Variants in DTNA observed in about 807,000 individuals in gnomAD.
DTNA encodes dystrophin-related protein 3.
DTNA carries 43 observed loss-of-function variants against 100.7 expected under a neutral mutation model. The observed-to-expected ratio is 0.43, with a 90% CI of 0.33 to 0.55. The LOEUF (loss-of-function observed/expected upper bound fraction) is 0.55. DTNA is among the 20% of genes least tolerant of loss of function. DTNA has a pLI of 0.04. For synonymous variants in DTNA, 349 were observed against 347.9 expected (o/e 1.00, Z -0.04); for missense variants, 798 against 953.9 (o/e 0.84, Z 2.15).
rs2096956599 is a variant in DTNA, at chr18:34,890,113, C to T, written c.*2379C>T. 12 of 1,403,124 alleles carry T rather than the reference C, an allele frequency of 8.6e-6. No homozygotes were observed. The highest frequency in any genetic ancestry group is 1.1e-5 in the Non-Finnish European group (12 of 1,083,600). The allele number at this position is 1,403,124 out of a possible 1,614,324, so 86.9% of individuals were successfully genotyped here. A position where few individuals can be genotyped will look rare whatever the true frequency, so the allele number is the denominator to read the frequency against. On this transcript the variant is annotated 3_prime_UTR_variant, in exon 23 of 23. Transcript: ENST00000444659. ...CATATGTTGTTTCTTTGTGTTTCTACATCAAAATGTTCGTCTAAGATTTGA... is the reference window on the plus strand; with the variant it reads ...CATATGTTGTTTCTTTGTGTTTCTATATCAAAATGTTCGTCTAAGATTTGA...
chr18:34,694,494 T>G (rs1568238789), intron 1 of DTNA, among the ~76,000 whole-genome samples: 1 of 152,196 alleles, frequency 6.6e-6, no homozygotes, highest in Non-Finnish European at 1.5e-5. Flanking sequence ...AACTGTAAAT[T>G]TGATAGTTTC....
rs760298250 is a variant in DTNA, at chr18:34,628,801, T to A, written c.-1-127175T>A. Among the ~76,000 whole-genome samples the A allele has an allele frequency of 3.4e-4, 51 of 152,196 alleles. 1 individual carries two copies. The highest frequency in any genetic ancestry group is 8.8e-5 in the Non-Finnish European group (6 of 68,032). On this transcript the variant is annotated intron_variant, in intron 1 of 19. Transcript: ENST00000283365. ...AACTTGTTTGTCACACTTTATAAGC[T>A]TATATTTTCAAACTGGTTGACACAC...
intron 3 of DTNA, among the ~76,000 whole-genome samples, chr18:34,777,546 G>A (rs1248372753): frequency 2.0e-5 from 3 of 152,150 alleles, no homozygotes. Flanking sequence ...CTGAGACTGG[G>A]TAGTTTATAA....
intron 17 of DTNA, among the ~76,000 whole-genome samples, chr18:34,864,372 C>T (rs949640517): frequency 1.3e-5 from 2 of 151,852 alleles, no homozygotes; most frequent in African/African-American, 2.4e-5. Context: ...TGCCTCAGCC[C>T]CCCGCCGAGT....
intron 1 of DTNA, among the ~76,000 whole-genome samples, chr18:34,550,671 C>T (rs920689659): frequency 3.3e-5 from 5 of 152,132 alleles, no homozygotes; most frequent in African/African-American, 1.2e-4. Context: ...AGTGTTCTTA[C>T]CTAAAATGAA....
chr18:34,866,476 A>AGAT (rs1338081076), intron 17 of DTNA: 6 of 1,210,216 alleles, frequency 5.0e-6, no homozygotes, highest in Non-Finnish European at 6.2e-6. Flanking sequence ...CTTAACAGAG[A>AGAT]GATACCACAG....
At chr18:34,872,031 A>G (rs796761299) in intron 17 of DTNA, among the ~76,000 whole-genome samples, 2 of 152,236 alleles carry the variant, frequency 1.3e-5, no homozygotes, top group South Asian at 2.1e-4. Flanking sequence ...TCATTCACAC[A>G]TTGGTGTAAT....
At chr18:34,563,441 GTT>G (rs1265274192) in intron 1 of DTNA, among the ~76,000 whole-genome samples, 1 of 152,182 alleles carries the variant, frequency 6.6e-6, no homozygotes, top group Non-Finnish European at 1.5e-5. Flanking sequence ...AATTTCTGTT[GTT>G]TAAAGCCAAC....
chr18:34,592,202 T>C (rs2049803432), intron 1 of DTNA, among the ~76,000 whole-genome samples: 1 of 152,120 alleles, frequency 6.6e-6, no homozygotes, highest in Admixed American at 6.5e-5. Flanking sequence ...ACCAAAATTA[T>C]AAAGCCTTCA....
intron 1 of DTNA, among the ~76,000 whole-genome samples, chr18:34,494,287 C>T (rs2038923191): frequency 6.9e-6 from 1 of 144,058 alleles, no homozygotes; most frequent in African/African-American, 2.5e-5. Flanking sequence ...TTGCAGCCAG[C>T]GGCGTCCTTT....
chr18:34,670,594 G>T (rs1215471857), intron 1 of DTNA, among the ~76,000 whole-genome samples: 1 of 152,126 alleles, frequency 6.6e-6, no homozygotes, highest in African/African-American at 2.4e-5. Flanking sequence ...ATACAGATGG[G>T]GTTTTGGTGT....
chr18:34,827,952 A>G (rs2095899275), intron 10 of DTNA, among the ~76,000 whole-genome samples: 1 of 152,200 alleles, frequency 6.6e-6, no homozygotes, highest in South Asian at 2.1e-4. Context: ...ACTGACACAC[A>G]TGCATCCCAT....
intron 1 of DTNA, among the ~76,000 whole-genome samples, chr18:34,749,658 TAATAATAATAATAATAATAAC>T (rs2092105615): frequency 3.4e-5 from 1 of 29,208 alleles, no homozygotes; most frequent in African/African-American, 9.7e-5. Context: ...ATAATAATAA[TAATAATAATAATAATAATAAC>T]AAATAAGATA....
chr18:34,811,895 A>G (rs2095494119), intron 5 of DTNA, 64 bp from the exon 6 acceptor site: 2 of 1,595,846 alleles, frequency 1.3e-6, no homozygotes, highest in East Asian at 2.2e-5. Flanking sequence ...TAGCAGATAT[A>G]TTGAACAAAA....
intron 1 of DTNA, among the ~76,000 whole-genome samples, chr18:34,586,943 G>GA (rs1173782751): frequency 2.0e-5 from 3 of 151,408 alleles, no homozygotes; most frequent in African/African-American, 7.3e-5. Context: ...CCAGGGTATA[G>GA]AAAAAATACA....
At chr18:34,856,387 A>T (rs747050730) in intron 15 of DTNA, among the ~76,000 whole-genome samples, 12 of 152,046 alleles carry the variant, frequency 7.9e-5, no homozygotes, top group Non-Finnish European at 4.4e-5. Flanking sequence ...TCATTTAATG[A>T]CTCTGTCTAC....
chr18:34,584,497 AAAT>A (rs1459740246), intron 1 of DTNA, among the ~76,000 whole-genome samples: 2 of 152,160 alleles, frequency 1.3e-5, no homozygotes, highest in African/African-American at 4.8e-5. Context: ...ATGTTAGGCG[AAAT>A]AATATAATCA....
chr18:34,829,695 T>C (rs2095954389), intron 11 of DTNA, among the ~76,000 whole-genome samples: 1 of 152,202 alleles, frequency 6.6e-6, no homozygotes, highest in African/African-American at 2.4e-5. Flanking sequence ...ATTTTATGGA[T>C]TTCATAGCCT....
chr18:34,818,040 A>C, intron 7 of DTNA, 124 bp from the exon 8 acceptor site: 1 of 1,582,442 alleles, frequency 6.3e-7, no homozygotes, highest in South Asian at 1.1e-5. Flanking sequence ...TCTGAGCCCA[A>C]ATCAACTATC....
Sources: allele counts gnomAD v4.1 joint callset (sites outside exome capture counted in the v4.1 genomes callset), GRCh38; gene constraint gnomAD v4.1.1; transcripts MANE v1.5; gene names NCBI Gene and HGNC (gene_info 2026-07-23, HGNC 2026-07-21).